The following HTR2C variants were observed in gnomAD, a reference collection of about 807,000 sequenced individuals.
HTR2C encodes 5-hydroxytryptamine receptor 2C.
Under a neutral mutation model 21.0 loss-of-function variants are expected in HTR2C, and 5 were observed. The observed-to-expected ratio is 0.24, with a 90% CI of 0.12 to 0.50. The LOEUF (loss-of-function observed/expected upper bound fraction) is 0.50. HTR2C is among the 20% of genes least tolerant of loss of function. The probability of loss-of-function intolerance (pLI) is 0.98; values close to 1 mark genes in which losing one functional copy is unlikely to be tolerated. For synonymous variants in HTR2C, 150 were observed against 145.3 expected (o/e 1.03, Z -0.23); for missense variants, 271 against 371.2 (o/e 0.73, Z 2.22).
chrX:114,735,231 C>A (rs181706393), intron 4 of HTR2C, among the ~76,000 whole-genome samples: 1 of 110,944 alleles, frequency 9.0e-6, no homozygotes, highest in East Asian at 2.8e-4. Flanking sequence ...GCAGGAGAAT[C>A]GCTTGAACCC....
intron 5 of HTR2C, among the ~76,000 whole-genome samples, chrX:114,851,513 C>T (rs782365825): frequency 2.7e-4 from 30 of 111,673 alleles, no homozygotes; most frequent in Non-Finnish European, 4.9e-4. Flanking sequence ...TAATTTTTCT[C>T]ATTTTATTAT....
intron 4 of HTR2C, among the ~76,000 whole-genome samples, chrX:114,839,420 C>T (rs1266451586): frequency 8.9e-6 from 1 of 111,797 alleles, no homozygotes; most frequent in African/African-American, 3.3e-5. Context: ...GGTGTGGGGG[C>T]TTATGCCTGT....
At chrX:114,585,550 A>G (rs782348940) in intron 1 of HTR2C, among the ~76,000 whole-genome samples, 9 of 111,245 alleles carry the variant, frequency 8.1e-5, no homozygotes, top group African/African-American at 2.6e-4. Flanking sequence ...GATGTCACAT[A>G]AAGTTCGTCA....
At chrX:114,660,261 ATTT>A (rs1185092469) in intron 2 of HTR2C, among the ~76,000 whole-genome samples, 1 of 112,178 alleles carries the variant, frequency 8.9e-6, no homozygotes, top group Non-Finnish European at 1.9e-5. Flanking sequence ...TAACTCTGGA[ATTT>A]TTAACTTACA....
intron 2 of HTR2C, among the ~76,000 whole-genome samples, chrX:114,706,971 G>A: frequency 9.0e-6 from 1 of 110,821 alleles, no homozygotes; most frequent in Middle Eastern, 4.7e-3. Flanking sequence ...GAAAATTTAA[G>A]ATTGTAAGGT....
At chrX:114,891,117 G>A (rs935803873) in intron 5 of HTR2C, among the ~76,000 whole-genome samples, 1 of 110,123 alleles carries the variant, frequency 9.1e-6, no homozygotes, top group Non-Finnish European at 1.9e-5. Context: ...TTAATTTTAC[G>A]AACATTATAA....
chrX:114,825,361 T>G (rs2070669384), intron 4 of HTR2C, among the ~76,000 whole-genome samples: 1 of 112,109 alleles, frequency 8.9e-6, no homozygotes, highest in African/African-American at 3.2e-5. Context: ...TTCATTTGCC[T>G]TTTCCTTTTG....
intron 4 of HTR2C, among the ~76,000 whole-genome samples, chrX:114,772,626 G>C (rs1556437354): frequency 9.0e-6 from 1 of 111,045 alleles, no homozygotes. Context: ...TCTGGCTTAA[G>C]AAACAGCCCT....
At chrX:114,670,086 A>G (rs781843888) in intron 2 of HTR2C, among the ~76,000 whole-genome samples, 1 of 111,317 alleles carries the variant, frequency 9.0e-6, no homozygotes, top group Non-Finnish European at 1.9e-5. Flanking sequence ...AAAAATACAG[A>G]AATTAGCTGG....
chrX:114,785,906 G>A (rs1356951022), intron 4 of HTR2C, among the ~76,000 whole-genome samples: 1 of 112,007 alleles, frequency 8.9e-6, no homozygotes, highest in Non-Finnish European at 1.9e-5. Context: ...AAGCCACAGA[G>A]GTGGCAAACA....
chrX:114,717,078 A>T (rs1276126114), intron 2 of HTR2C, among the ~76,000 whole-genome samples: 1 of 111,028 alleles, frequency 9.0e-6, no homozygotes, highest in African/African-American at 3.3e-5. Context: ...ACTATATTCT[A>T]CAATTTCTTT....
intron 2 of HTR2C, among the ~76,000 whole-genome samples, chrX:114,648,755 T>C (rs1401401220): frequency 9.0e-6 from 1 of 111,561 alleles, no homozygotes; most frequent in Non-Finnish European, 1.9e-5. Flanking sequence ...AATTGACAGA[T>C]TGTTGGTGTC....
At chrX:114,631,374 C>T (rs1387777194) in intron 2 of HTR2C, among the ~76,000 whole-genome samples, 5 of 111,198 alleles carry the variant, frequency 4.5e-5, no homozygotes, top group African/African-American at 1.3e-4. Context: ...ATATTATCCT[C>T]GCTATTACAT....
intron 2 of HTR2C, among the ~76,000 whole-genome samples, chrX:114,668,258 A>T (rs1931247906): frequency 8.9e-6 from 1 of 111,740 alleles, no homozygotes; most frequent in Admixed American, 9.6e-5. Context: ...CCTAGCATAG[A>T]TGCCTGATCT....
intron 2 of HTR2C, among the ~76,000 whole-genome samples, chrX:114,725,230 T>C (rs1933407070): frequency 9.0e-6 from 1 of 111,277 alleles, no homozygotes; most frequent in African/African-American, 3.3e-5. Context: ...TATTCTTTTT[T>C]CTCTAAACTT....
At chrX:114,899,745 A>C (rs782755150) in intron 5 of HTR2C, among the ~76,000 whole-genome samples, 13 of 110,260 alleles carry the variant, frequency 1.2e-4, no homozygotes, top group Non-Finnish European at 2.5e-4. Context: ...TTTCAGTTGA[A>C]GATACTGTAT....
intron 2 of HTR2C, among the ~76,000 whole-genome samples, chrX:114,648,237 T>G (rs1258454609): frequency 9.0e-6 from 1 of 110,848 alleles, no homozygotes; most frequent in Non-Finnish European, 1.9e-5. Flanking sequence ...TTCCTTTCTT[T>G]TGGGTATAGG....
At chrX:114,643,246 C>CT (rs34506256) in intron 2 of HTR2C, among the ~76,000 whole-genome samples, 16,230 of 102,770 alleles carry the variant, frequency 0.16, 938 homozygotes, top group South Asian at 0.3. Flanking sequence ...TTTGCCATTA[C>CT]TTTTTTTTTT....
intron 4 of HTR2C, among the ~76,000 whole-genome samples, chrX:114,845,021 AACAG>A (rs1239745184): frequency 9.0e-6 from 1 of 111,597 alleles, no homozygotes; most frequent in African/African-American, 3.2e-5. Flanking sequence ...AACTAATTCT[AACAG>A]ACAGATACAG....
Sources: gnomAD v4.1 joint callset for allele counts (sites outside exome capture counted in the v4.1 genomes callset) on GRCh38, gnomAD v4.1.1 for gene constraint, MANE v1.5 for transcripts, NCBI Gene and HGNC (gene_info 2026-07-23, HGNC 2026-07-21) for gene names.